The following GPCPD1 variants were observed in gnomAD, a reference collection of about 807,000 sequenced individuals.
The protein encoded by GPCPD1 is glycerophosphocholine phosphodiesterase 1, also known as glycerophosphocholine phosphodiesterase GPCPD1.
In GPCPD1, 29 loss-of-function variants were observed where a neutral mutation model predicts 89.2. That is an observed-to-expected ratio of 0.33 (90% CI 0.24 to 0.44). The LOEUF (loss-of-function observed/expected upper bound fraction) is 0.44. GPCPD1 is among the 20% of genes least tolerant of loss of function. The pLI is 1.00. For missense variants in GPCPD1, 594 were observed against 808.9 expected, an observed-to-expected ratio of 0.73 and a Z score of 3.22; for synonymous variants, 258 against 266.3, an observed-to-expected ratio of 0.97 and a Z score of 0.30.
intron 5 of GPCPD1, chr20:5,585,983 C>A: frequency 2.4e-6 from 1 of 421,158 alleles, no homozygotes; most frequent in East Asian, 3.6e-5. Flanking sequence ...ACAAAAATAT[C>A]TAGGTAAATA....
chr20:5,575,449 C>A lies in GPCPD1; in HGVS notation c.965G>T (p.Gly322Val). ...TGTAGAGTTTCCTGCACCTCGATGG[C>A]CAACATCCAATGGTATTCTTGGCTT... ...YWKPRIPLDV[G>V]HRGAGNSTTT... is the part of the protein sequence containing the mutation. Residue 322 changes from glycine to valine, a missense_variant, in exon 10 of 20, where the codon GGC (glycine) becomes GTC (valine). By Grantham distance (109) the Gly-to-Val change is moderately radical. Coordinates refer to ENST00000379019, the MANE Select transcript of GPCPD1 (RefSeq NM_019593.5). 1 of 1,608,612 alleles carries A rather than the reference C, an allele frequency of 6.2e-7. No individual in the cohort carries two copies. The highest frequency in any genetic ancestry group is 1.3e-5 in the African/African-American group (1 of 74,914).
intron 7 of GPCPD1, among the ~76,000 whole-genome samples, chr20:5,579,647 G>A (rs1978328627): frequency 6.6e-6 from 1 of 152,080 alleles, no homozygotes; most frequent in Non-Finnish European, 1.5e-5. Flanking sequence ...TGCACCCATT[G>A]GCCTCCCAAA....
At chr20:5,589,337 C>T (rs779884495) in intron 4 of GPCPD1, among the ~76,000 whole-genome samples, 9 of 152,244 alleles carry the variant, frequency 5.9e-5, no homozygotes, top group South Asian at 2.1e-4. Context: ...ACAGGCCAGG[C>T]GTGGTGGCTC....
intron 4 of GPCPD1, among the ~76,000 whole-genome samples, chr20:5,589,896 A>C (rs1793770489): frequency 6.6e-6 from 1 of 152,238 alleles, no homozygotes; most frequent in Non-Finnish European, 1.5e-5. Context: ...TTCCATTAAC[A>C]GTACTGGTAG....
intron 19 of GPCPD1, chr20:5,549,569 C>T: frequency 1.4e-6 from 1 of 738,254 alleles, no homozygotes; most frequent in South Asian, 1.5e-5. Flanking sequence ...AAAGCCTCTT[C>T]AAAAACTACT....
At chr20:5,602,020 A>G (rs1213084366) in intron 2 of GPCPD1, among the ~76,000 whole-genome samples, 2 of 152,120 alleles carry the variant, frequency 1.3e-5, no homozygotes, top group Admixed American at 6.5e-5. Flanking sequence ...CACATACTCT[A>G]TTTGTATCCT....
rs552596273 is a variant in GPCPD1 at position 5,589,852 on chromosome 20, G to C, written c.231+3475C>G. On this transcript the variant is annotated intron_variant, in intron 4 of 19. Transcript: ENST00000379019. ...GAGTAACATGGGAGATAGATCTTTG[G>C]AGAAAAAAGTAATGATGTCAATCTA... is the stretch of plus-strand genomic sequence containing the variant. 6.6e-5 allele frequency among the ~76,000 whole-genome samples: 10 copies of C among 152,252 alleles called. 1 individual carries two copies. In the East Asian group the frequency reaches 1.9e-3, roughly 29 times the overall value.
chr20:5,568,570 G>C (rs544526790), intron 12 of GPCPD1, among the ~76,000 whole-genome samples: 2 of 151,934 alleles, frequency 1.3e-5, no homozygotes. Context: ...GGTGAAAATG[G>C]GGCATTAGTA....
In GPCPD1 at chr20:5,545,516, G is replaced by C. The variant is rs1984989893; in HGVS notation, c.*2145C>G. On this transcript the variant is annotated 3_prime_UTR_variant, in exon 20 of 20. Transcript: ENST00000379019. ...CACAAGAAGAAATGAGTTTGGCAGA[G>C]AGAAAGTGACTATGGGAGGAGAGGG... 6.6e-6 allele frequency: 1 copy of C among 152,402 alleles called. No homozygotes were observed. The highest frequency in any genetic ancestry group is 2.4e-5 in the African/African-American group (1 of 41,454). The allele number at this position is 152,402 out of a possible 1,614,324, so 9.4% of individuals were successfully genotyped here.
chr20:5,580,805 C>T (rs1978422594), intron 6 of GPCPD1, among the ~76,000 whole-genome samples: 2 of 151,350 alleles, frequency 1.3e-5, no homozygotes, highest in Non-Finnish European at 2.9e-5. Flanking sequence ...AATACATATC[C>T]CAAAGACCTT....
chr20:5,550,311 GA>G (rs1985329348), intron 19 of GPCPD1, among the ~76,000 whole-genome samples: 1 of 141,220 alleles, frequency 7.1e-6, no homozygotes, highest in Admixed American at 7.0e-5. Flanking sequence ...GACAAAATAG[GA>G]GGAAAAAAAA....
intron 8 of GPCPD1, among the ~76,000 whole-genome samples, chr20:5,577,062 TTTG>T (rs1978291793): frequency 3.5e-5 from 4 of 114,550 alleles, no homozygotes; most frequent in Admixed American, 2.8e-4. Context: ...TGTTTTTTTT[TTTG>T]TTTTTTTTTT....
intron 2 of GPCPD1, among the ~76,000 whole-genome samples, chr20:5,601,931 C>G (rs1980188082): frequency 6.6e-6 from 1 of 152,166 alleles, no homozygotes; most frequent in Non-Finnish European, 1.5e-5. Context: ...AACAAACAGA[C>G]CTTTCTTTAA....
intron 4 of GPCPD1, among the ~76,000 whole-genome samples, chr20:5,592,732 T>A (rs1979416765): frequency 6.6e-6 from 1 of 152,140 alleles, no homozygotes; most frequent in African/African-American, 2.4e-5. Context: ...GGAAAATGAT[T>A]AACTTTTTTT....
intron 19 of GPCPD1, among the ~76,000 whole-genome samples, chr20:5,554,531 A>C (rs192459652): frequency 6.6e-6 from 1 of 152,358 alleles, no homozygotes; most frequent in Non-Finnish European, 1.5e-5. Flanking sequence ...GAAATGCAAC[A>C]AAGTCTGGAT....
rs185880154 is a variant in GPCPD1, at chr20:5,547,795, G to A, written c.1885C>T (p.Arg629Cys). Reference protein sequence around the residue: ...PNIFQVEQLERLKQELPELKS... With the variant: ...PNIFQVEQLECLKQELPELKS... ...AGCTCTGGCAATTCCTGCTTCAGGC[G>A]TTCCAATTGCTCCACTTGGAATATA... The change falls in exon 20 of 20, where the codon CGC becomes TGC. Residue 629 changes from arginine (R) to cysteine (C), a missense_variant. Arg to Cys is a radical substitution (Grantham distance 180). Transcript: ENST00000379019. The A allele has an allele frequency of 1.7e-5, 28 of 1,609,462 alleles. 1 individual carries two copies. Among genetic ancestry groups the A allele is most frequent in the South Asian group, 1.1e-4 (10 of 90,792 alleles).
intron 6 of GPCPD1, among the ~76,000 whole-genome samples, chr20:5,580,877 A>ATT (rs1005700106): frequency 3.5e-5 from 5 of 144,420 alleles, no homozygotes; most frequent in South Asian, 2.2e-4. Context: ...AATCAATTCC[A>ATT]TTTTTTTTTT....
At chr20:5,554,520 A>G (rs1600713723) in intron 19 of GPCPD1, among the ~76,000 whole-genome samples, 2 of 152,358 alleles carry the variant, frequency 1.3e-5, no homozygotes, top group South Asian at 4.1e-4. Flanking sequence ...TCTGTGCTCC[A>G]GAAATGCAAC....
intron 4 of GPCPD1, among the ~76,000 whole-genome samples, chr20:5,590,992 C>T (rs1363125504): frequency 6.6e-6 from 1 of 152,030 alleles, no homozygotes; most frequent in Non-Finnish European, 1.5e-5. Flanking sequence ...CCTAATTCTA[C>T]CCACAAGCAA....
Sources: allele counts gnomAD v4.1 joint callset (sites outside exome capture counted in the v4.1 genomes callset), GRCh38; gene constraint gnomAD v4.1.1; transcripts MANE v1.5; gene names NCBI Gene and HGNC (gene_info 2026-07-23, HGNC 2026-07-21).